TBC1D5: variants seen among roughly 807,000 people sequenced by gnomAD.
TBC1D5 encodes TBC1 domain family member 5, also known as TBC1 domain family, member 5.
TBC1D5 carries 75 observed loss-of-function variants against 100.3 expected under a neutral mutation model. The ratio of observed to expected loss-of-function variants is 0.75; its 90% CI spans 0.62 to 0.91. The LOEUF is 0.91. Ranked by LOEUF, TBC1D5 falls within the 40% of genes least tolerant of loss-of-function variation. The pLI is 0.00. For missense variants in TBC1D5, 910 were observed against 942.4 expected, an observed-to-expected ratio of 0.97 and a Z score of 0.45; for synonymous variants, 323 against 325.6, an observed-to-expected ratio of 0.99 and a Z score of 0.09.
intron 14 of TBC1D5, among the ~76,000 whole-genome samples, chr3:17,297,569 C>T (rs889385541): frequency 1.3e-4 from 16 of 126,422 alleles, no homozygotes; most frequent in Admixed American, 2.3e-4. Flanking sequence ...GAGCGAGACT[C>T]CTAAAAAAAA....
intron 1 of TBC1D5, among the ~76,000 whole-genome samples, chr3:17,686,863 C>A (rs903964078): frequency 6.6e-6 from 1 of 152,058 alleles, no homozygotes; most frequent in Non-Finnish European, 1.5e-5. Flanking sequence ...AAACATCCTA[C>A]AATGCACAGG....
intron 13 of TBC1D5, among the ~76,000 whole-genome samples, chr3:17,342,682 T>C (rs1227856262): frequency 2.6e-5 from 4 of 152,196 alleles, no homozygotes; most frequent in Non-Finnish European, 5.9e-5. Context: ...GAAAAAAAGA[T>C]ACCCCTAATC....
intron 1 of TBC1D5, among the ~76,000 whole-genome samples, chr3:17,703,869 A>G (rs538196729): frequency 1.3e-5 from 2 of 150,926 alleles, no homozygotes; most frequent in African/African-American, 4.9e-5. Flanking sequence ...ACTAAAAATC[A>G]TACTTAAAAA....
chr3:17,689,776 T>C (rs899863024), intron 1 of TBC1D5, among the ~76,000 whole-genome samples: 3 of 152,130 alleles, frequency 2.0e-5, no homozygotes, highest in Non-Finnish European at 4.4e-5. Flanking sequence ...AGAAAAACTT[T>C]AGGTTGTTCC....
intron 3 of TBC1D5, among the ~76,000 whole-genome samples, chr3:17,494,522 T>C (rs935869589): frequency 2.0e-5 from 3 of 152,222 alleles, no homozygotes; most frequent in Non-Finnish European, 4.4e-5. Flanking sequence ...AAATACTAAG[T>C]CTGCTGATGG....
chr3:17,406,883 TG>T (rs2093784936), intron 4 of TBC1D5, among the ~76,000 whole-genome samples: 1 of 152,018 alleles, frequency 6.6e-6, no homozygotes, highest in Non-Finnish European at 1.5e-5. Flanking sequence ...TCCAAAAATA[TG>T]CAACAAAGAA....
intron 1 of TBC1D5, among the ~76,000 whole-genome samples, chr3:17,665,272 CAT>C (rs1162864862): frequency 7.9e-5 from 12 of 152,180 alleles, no homozygotes; most frequent in South Asian, 2.1e-4. Context: ...ATGAAAACCA[CAT>C]GTCCTCTTGG....
chr3:17,170,158 T>G (rs2067031928), intron 19 of TBC1D5, among the ~76,000 whole-genome samples: 1 of 152,214 alleles, frequency 6.6e-6, no homozygotes, highest in South Asian at 2.1e-4. Context: ...TTTACAAGAC[T>G]GCTATGGCTT....
chr3:17,742,088 T>C (rs975787352), upstream of TBC1D5, among the ~76,000 whole-genome samples: 4 of 152,162 alleles, frequency 2.6e-5, no homozygotes, highest in Admixed American at 2.0e-4. Flanking sequence ...TTTACTGCAG[T>C]TGGCCTTCCA....
chr3:17,618,340 T>C (rs1020208673), intron 2 of TBC1D5, among the ~76,000 whole-genome samples: 2 of 152,204 alleles, frequency 1.3e-5, no homozygotes, highest in Non-Finnish European at 2.9e-5. Flanking sequence ...GTCTCCCAGT[T>C]AGGCTACATG....
intron 17 of TBC1D5, among the ~76,000 whole-genome samples, chr3:17,228,111 C>A (rs2075086957): frequency 6.6e-6 from 1 of 152,036 alleles, no homozygotes; most frequent in Admixed American, 6.6e-5. Context: ...GTTGAGTGGA[C>A]CATCTGTTGC....
At chr3:17,572,018 A>G (rs2096630328) in intron 2 of TBC1D5, among the ~76,000 whole-genome samples, 8 of 152,026 alleles carry the variant, frequency 5.3e-5, no homozygotes, top group Admixed American at 3.9e-4. Flanking sequence ...TGCCTACTGC[A>G]TTATGCCCTC....
intron 1 of TBC1D5, among the ~76,000 whole-genome samples, chr3:17,705,532 G>GAT (rs2074009316): frequency 6.8e-6 from 1 of 146,996 alleles, no homozygotes; most frequent in African/African-American, 2.5e-5. Flanking sequence ...CTTCTCAGAC[G>GAT]GGGCGGCCGG....
chr3:17,551,235 G>A (rs560497662), intron 2 of TBC1D5, among the ~76,000 whole-genome samples: 13 of 152,118 alleles, frequency 8.5e-5, no homozygotes, highest in South Asian at 4.1e-4. Flanking sequence ...AAGTAAAGAC[G>A]ACCATCTGCT....
At chr3:17,704,776 G>C (rs866149415) in intron 1 of TBC1D5, among the ~76,000 whole-genome samples, 2 of 71,982 alleles carry the variant, frequency 2.8e-5, no homozygotes, top group Admixed American at 2.2e-4. Flanking sequence ...GGGGCGGCCG[G>C]GCAGAGGCGC....
intron 1 of TBC1D5, among the ~76,000 whole-genome samples, chr3:17,638,837 G>A (rs116030989): frequency 0.05 from 7,646 of 151,916 alleles, 611 homozygotes; most frequent in African/African-American, 0.17. Context: ...AGTTATAAAA[G>A]AATATATAAT....
In TBC1D5 at chr3:17,167,704, C is replaced by T. The variant is rs56252229; in HGVS notation, c.1932+45G>A. 7.2e-3 allele frequency: 11,384 copies of T among 1,580,294 alleles called. 417 individuals carry two copies. The African/African-American group carries it at 0.09, about 13-fold the overall frequency. ...TCCATGCCCTGGGGGGCCCTCCCCG[C>T]GGCAGGCGGGACACAAAGAAATAGT... On this transcript the variant is annotated intron_variant, in intron 20 of 21. Coordinates refer to ENST00000253692, the Ensembl canonical transcript of TBC1D5.
At chr3:17,556,278 A>T (rs1277225606) in intron 2 of TBC1D5, among the ~76,000 whole-genome samples, 1 of 152,236 alleles carries the variant, frequency 6.6e-6, no homozygotes, top group Admixed American at 6.5e-5. Context: ...TTGGCCTCCC[A>T]AAGTGCTGGG....
At chr3:17,708,992 T>G (rs1007303348) in intron 1 of TBC1D5, among the ~76,000 whole-genome samples, 1 of 152,186 alleles carries the variant, frequency 6.6e-6, no homozygotes, top group African/African-American at 2.4e-5. Flanking sequence ...CGAGGTAAAT[T>G]ACCTACATTA....
Sources: gnomAD v4.1 joint callset for allele counts (sites outside exome capture counted in the v4.1 genomes callset) on GRCh38, gnomAD v4.1.1 for gene constraint, MANE v1.5 for transcripts, NCBI Gene and HGNC (gene_info 2026-07-23, HGNC 2026-07-21) for gene names.